INTS9: variants seen among roughly 807,000 people sequenced by gnomAD.
The protein encoded by INTS9 is protein related to CPSF subunits of 74 kDa.
Under a neutral mutation model 79.7 loss-of-function variants are expected in INTS9, and 55 were observed. The observed-to-expected ratio is 0.69, with a 90% confidence interval of 0.56 to 0.86. The LOEUF (loss-of-function observed/expected upper bound fraction) is 0.86, where lower values mean the gene tolerates loss of function less well. Among genes scored for constraint, INTS9 ranks in the 40% least tolerant of loss-of-function variants. The pLI, the probability that INTS9 is intolerant of heterozygous loss-of-function variation, is 0.00. For missense variants in INTS9, 721 were observed against 831.5 expected (o/e 0.87, Z 1.64); for synonymous variants, 319 against 325.2 (o/e 0.98, Z 0.20).
chr8:28,821,219 C>G (rs943535188), intron 6 of INTS9, among the ~76,000 whole-genome samples: 4 of 152,178 alleles, frequency 2.6e-5, no homozygotes, highest in Non-Finnish European at 5.9e-5. Flanking sequence ...CATACTGAGA[C>G]TGGGAAGAAA....
At chr8:28,791,739 A>G (rs771654378) in intron 10 of INTS9, among the ~76,000 whole-genome samples, 3 of 152,198 alleles carry the variant, frequency 2.0e-5, no homozygotes, top group African/African-American at 7.2e-5. Context: ...ACCTCTTTGT[A>G]TCCTCAGTGC....
At chr8:28,809,858 G>T (rs1805009770) in intron 8 of INTS9, among the ~76,000 whole-genome samples, 1 of 152,118 alleles carries the variant, frequency 6.6e-6, no homozygotes, top group African/African-American at 2.4e-5. Flanking sequence ...ACCTTGAGAT[G>T]AAACTTGGCT....
intron 13 of INTS9, among the ~76,000 whole-genome samples, chr8:28,777,096 T>C (rs1802933473): frequency 6.6e-6 from 1 of 152,140 alleles, no homozygotes; most frequent in Non-Finnish European, 1.5e-5. Flanking sequence ...CCTGTTCCCC[T>C]GCCTTAGAGT....
At chr8:28,776,011 C>T in intron 13 of INTS9, 85 bp from the exon 14 acceptor site, 1 of 1,102,158 alleles carries the variant, frequency 9.1e-7, no homozygotes, top group Non-Finnish European at 1.2e-6. Flanking sequence ...CCGATCCACT[C>T]CCCGCCATTA....
chr8:28,846,852 G>A, intron 3 of INTS9, 43 bp from the exon 4 acceptor site: 1 of 1,419,894 alleles, frequency 7.0e-7, no homozygotes, highest in Non-Finnish European at 1.0e-6. Context: ...GAGATATCCA[G>A]TAGATACAGG....
Position 28,776,622 on chromosome 8 carries a change from C to T in INTS9, c.1396-696G>A, listed in dbSNP as rs572437337. 5.9e-5 allele frequency among the ~76,000 whole-genome samples: 9 copies of T among 152,224 alleles called. No individual in the cohort carries two copies. The South Asian group carries it at 8.3e-4, about 14-fold the overall frequency. On this transcript the variant is annotated intron_variant, in intron 13 of 16. Transcript: ENST00000521022. Reference sequence around the variant, plus strand: ...CAAGCCCTGAATTCCCTGCTGAAGACGGCTTTCCACCAGGCTGACCGGGCT... The same window carrying T: ...CAAGCCCTGAATTCCCTGCTGAAGATGGCTTTCCACCAGGCTGACCGGGCT...
At chr8:28,854,591 G>A (rs954612517) in intron 2 of INTS9, among the ~76,000 whole-genome samples, 10 of 152,258 alleles carry the variant, frequency 6.6e-5, no homozygotes, top group African/African-American at 2.2e-4. Flanking sequence ...ATCTTTATTC[G>A]CGTGTCACTT....
At chr8:28,849,004 A>C (rs1807681876) in intron 3 of INTS9, among the ~76,000 whole-genome samples, 1 of 152,184 alleles carries the variant, frequency 6.6e-6, no homozygotes, top group African/African-American at 2.4e-5. Context: ...CTCTGAAGAA[A>C]ATCTGGTGTC....
chr8:28,849,598 C>G (rs762185357), intron 3 of INTS9, among the ~76,000 whole-genome samples: 17 of 151,944 alleles, frequency 1.1e-4, no homozygotes, highest in Non-Finnish European at 2.1e-4. Flanking sequence ...TCAAATTTAC[C>G]TAAGAGTACT....
intron 8 of INTS9, 65 bp from the exon 9 acceptor site, chr8:28,796,720 G>A (rs948883439): frequency 4.1e-6 from 4 of 972,298 alleles, no homozygotes; most frequent in Non-Finnish European, 6.7e-6. Flanking sequence ...AATAGTGAAA[G>A]AATACGAGAA....
rs766078408 is a variant in INTS9 at position 28,775,767 on chromosome 8, T to C, written c.1555A>G (p.Met519Val). ...GAAGGAGAACAGCTCACCTCTGGCA[T>C]GATCTCGATCTTCTCGTACCGACGT... The part of the protein sequence containing the change: ...FKRRYEKIEI[M>V]PELADSLVPM... The change falls in exon 14 of 17, where the codon ATG (methionine) becomes GTG (valine). Residue 519 changes from methionine to valine, a missense_variant. By Grantham distance (21) the Met-to-Val change is conservative. Around this residue, in one of 3 missense-constraint regions of INTS9, gnomAD observed 281 missense variants for 300.8 expected, o/e 0.93. Transcript: ENST00000521022. 1 of 1,614,076 alleles carries C rather than the reference T, an allele frequency of 6.2e-7. No homozygotes were observed. The highest frequency in any genetic ancestry group is 8.5e-7 in the Non-Finnish European group (1 of 1,180,002).
At chr8:28,852,091 C>T (rs981920015) in intron 2 of INTS9, among the ~76,000 whole-genome samples, 5 of 152,016 alleles carry the variant, frequency 3.3e-5, no homozygotes, top group African/African-American at 4.8e-5. Flanking sequence ...TGGTGGTACA[C>T]GCTTGCAGTC....
intron 15 of INTS9, among the ~76,000 whole-genome samples, chr8:28,770,477 G>A (rs17059385): frequency 0.078 from 11,803 of 152,272 alleles, 1,468 homozygotes; most frequent in African/African-American, 0.27. Context: ...GAATTCTGAC[G>A]GCTCAGTAAG....
At position 28,859,583 on chromosome 8, in the gene INTS9, T is replaced by C. The variant is rs1201415557; in HGVS notation, c.10-20A>G. ...GCAATACTGAAAAAAATTAAATCACTTTGATCAGTAATCAATTACAGAAGA... is the reference window on the plus strand; with the variant it reads ...GCAATACTGAAAAAAATTAAATCACCTTGATCAGTAATCAATTACAGAAGA... On this transcript the variant is annotated intron_variant, in intron 1 of 16. Coordinates refer to ENST00000521022, the MANE Select transcript of INTS9 (RefSeq NM_018250.4). 1 of 1,613,016 alleles carries C rather than the reference T, an allele frequency of 6.2e-7. No individual in the cohort carries two copies. Among genetic ancestry groups the C allele is most frequent in the Non-Finnish European group, 8.5e-7 (1 of 1,179,026 alleles).
intron 12 of INTS9, 198 bp downstream of exon 12, chr8:28,780,625 C>A: frequency 2.0e-6 from 2 of 985,450 alleles, no homozygotes; most frequent in Non-Finnish European, 2.4e-6. Flanking sequence ...GAAGGCCTCG[C>A]TGGATGCCCA....
At chr8:28,821,574 G>GC (rs1805829932) in intron 6 of INTS9, among the ~76,000 whole-genome samples, 1 of 138,068 alleles carries the variant, frequency 7.2e-6, no homozygotes, top group Non-Finnish European at 1.5e-5. Flanking sequence ...AATTCCAGCT[G>GC]AAACCACCAC....
At chr8:28,830,201 T>C (rs868395476) in intron 6 of INTS9, among the ~76,000 whole-genome samples, 1 of 152,218 alleles carries the variant, frequency 6.6e-6, no homozygotes, top group Admixed American at 6.5e-5. Flanking sequence ...TAGCTTGTGA[T>C]AGAGATAAAT....
At position 28,775,935 on chromosome 8, in the gene INTS9, C is replaced by A; in HGVS notation, c.1396-9G>T. ...CACACCACGTGCAGGGGCTGAGGAA[C>A]CAATGGGACAGTTGAGAAAGGTGGT... On this transcript the variant is annotated splice_polypyrimidine_tract_variant and intron_variant, in intron 13 of 16. Transcript: ENST00000521022. 6.5e-7 allele frequency: 1 copy of A among 1,538,738 alleles called. No individual in the cohort carries two copies. The highest frequency in any genetic ancestry group is 8.8e-7 in the Non-Finnish European group (1 of 1,142,202).
intron 6 of INTS9, among the ~76,000 whole-genome samples, chr8:28,819,740 G>A (rs1228681112): frequency 1.3e-5 from 2 of 152,144 alleles, no homozygotes; most frequent in South Asian, 2.1e-4. Flanking sequence ...TCTGTCTAAT[G>A]TTGACAGTGG....
Sources: gnomAD v4.1 joint callset for allele counts (sites outside exome capture counted in the v4.1 genomes callset) on GRCh38, gnomAD v4.1.1 for gene constraint, gnomAD v4.1.1 regional missense constraint, MANE v1.5 for transcripts, NCBI Gene and HGNC (gene_info 2026-07-23, HGNC 2026-07-21) for gene names.